The following SEL1L2 variants were observed in gnomAD, a reference collection of about 807,000 sequenced individuals.
SEL1L2 encodes SEL1L2 adaptor subunit of SYVN1 ubiquitin ligase.
SEL1L2 carries 89 observed loss-of-function variants against 98.8 expected under a neutral mutation model. The ratio of observed to expected loss-of-function variants is 0.90; its 90% CI spans 0.76 to 1.07. The LOEUF (loss-of-function observed/expected upper bound fraction) is 1.07. Among genes scored for constraint, SEL1L2 ranks in the 50% least tolerant of loss-of-function variants. SEL1L2 has a pLI of 0.00. For missense variants in SEL1L2, 788 were observed against 812.0 expected (o/e 0.97, Z 0.36); for synonymous variants, 262 against 278.5 (o/e 0.94, Z 0.59).
intron 5 of SEL1L2, among the ~76,000 whole-genome samples, chr20:13,889,459 C>A (rs1347741209): frequency 1.3e-5 from 2 of 152,118 alleles, no homozygotes; most frequent in East Asian, 3.9e-4. Context: ...CCCTTATATA[C>A]TTTCCTTTCT....
chr20:13,977,816 T>C (rs2051619161), intron 1 of SEL1L2, among the ~76,000 whole-genome samples: 1 of 152,104 alleles, frequency 6.6e-6, no homozygotes, highest in Admixed American at 6.6e-5. Context: ...TTTAGATCTG[T>C]ATACTAAAAA....
chr20:13,986,804 T>C (rs1010199945), intron 1 of SEL1L2, among the ~76,000 whole-genome samples: 2 of 152,272 alleles, frequency 1.3e-5, no homozygotes, highest in South Asian at 2.1e-4. Context: ...ATTGTATAGG[T>C]TGGTGCAAAA....
chr20:13,870,338 C>A, intron 12 of SEL1L2, 135 bp from the exon 13 acceptor site: 1 of 617,464 alleles, frequency 1.6e-6, no homozygotes, highest in South Asian at 2.2e-5. Flanking sequence ...TATTCTGACC[C>A]ACTCTAGTTC....
chr20:13,958,652 G>A (rs531691569), intron 1 of SEL1L2, among the ~76,000 whole-genome samples: 2 of 152,122 alleles, frequency 1.3e-5, no homozygotes, highest in African/African-American at 4.8e-5. Flanking sequence ...TTCTGCATAG[G>A]AGGTCTGGGC....
intron 17 of SEL1L2, among the ~76,000 whole-genome samples, chr20:13,863,014 G>A (rs966302601): frequency 1.3e-5 from 2 of 152,028 alleles, no homozygotes; most frequent in African/African-American, 2.4e-5. Flanking sequence ...TTCTTAGCTG[G>A]CAAAGACATT....
At chr20:13,939,035 GTTTTGT>G (rs1242987485) in intron 2 of SEL1L2, among the ~76,000 whole-genome samples, 37 of 31,470 alleles carry the variant, frequency 1.2e-3, no homozygotes, top group African/African-American at 3.4e-3. Context: ...TTGTTTGCTT[GTTTTGT>G]TTTTTTTTTT....
chr20:13,907,756 CT>C (rs2048023158), intron 5 of SEL1L2, among the ~76,000 whole-genome samples: 1 of 107,916 alleles, frequency 9.3e-6, no homozygotes, highest in Non-Finnish European at 2.0e-5. Context: ...CTTTTCTTTT[CT>C]TTTCTTTTCT....
In SEL1L2 at chr20:13,964,227, T is replaced by A. The variant is rs188988086; in HGVS notation, c.59-8096A>T. ...ATCAAGCTAACAGTCAAAGAAAATATGTTCTATCCCCCTATTTTGTCAAAT... is the reference window on the plus strand; with the variant it reads ...ATCAAGCTAACAGTCAAAGAAAATAAGTTCTATCCCCCTATTTTGTCAAAT... On this transcript the variant is annotated intron_variant, in intron 1 of 19. Transcript: ENST00000284951. Among the ~76,000 whole-genome samples, 24 of 152,152 alleles carry A rather than the reference T, an allele frequency of 1.6e-4. No homozygotes were observed. The East Asian group carries it at 4.4e-3, about 28-fold the overall frequency.
intron 3 of SEL1L2, among the ~76,000 whole-genome samples, chr20:13,930,853 T>C (rs2049112481): frequency 6.6e-6 from 1 of 151,816 alleles, no homozygotes; most frequent in Non-Finnish European, 1.5e-5. Flanking sequence ...TGTATTTACT[T>C]GTGTCAGAAG....
At chr20:13,968,698 A>G (rs2051155040) in intron 1 of SEL1L2, among the ~76,000 whole-genome samples, 1 of 152,222 alleles carries the variant, frequency 6.6e-6, no homozygotes, top group Admixed American at 6.5e-5. Context: ...ATGTAGAATA[A>G]CTGGGATATA....
chr20:13,914,991 T>C, intron 4 of SEL1L2: 1 of 745,242 alleles, frequency 1.3e-6, no homozygotes, highest in East Asian at 6.6e-5. Context: ...TTTTTACTTT[T>C]ATAACTTCGT....
intron 5 of SEL1L2, among the ~76,000 whole-genome samples, chr20:13,892,831 T>C (rs1030051059): frequency 1.3e-5 from 2 of 152,188 alleles, no homozygotes; most frequent in Non-Finnish European, 2.9e-5. Context: ...CATTAAAGGA[T>C]AGACAAAGAT....
At position 13,952,632 on chromosome 20, in the gene SEL1L2, G is replaced by C. The variant is rs183855138; in HGVS notation, c.114+3444C>G. Among the ~76,000 whole-genome samples, 468 of 152,262 alleles carry C rather than the reference G, an allele frequency of 3.1e-3. 2 individuals carry two copies. The highest frequency in any genetic ancestry group is 9.1e-3 in the South Asian group (44 of 4,828). On this transcript the variant is annotated intron_variant, in intron 2 of 19. Transcript: ENST00000284951. ...ACCCCAGGTATTGCTAGGAAGAGAA[G>C]GGAACCAGGGATGCCTGCTCCCGTC...
chr20:13,979,434 A>G (rs565230652), intron 1 of SEL1L2, among the ~76,000 whole-genome samples: 1 of 152,372 alleles, frequency 6.6e-6, no homozygotes, highest in African/African-American at 2.4e-5. Flanking sequence ...AAGAAATAAT[A>G]AATGAGGTGC....
intron 12 of SEL1L2, among the ~76,000 whole-genome samples, chr20:13,870,988 C>G (rs1158717063): frequency 6.7e-6 from 1 of 149,642 alleles, no homozygotes; most frequent in Non-Finnish European, 1.5e-5. Context: ...GAGGGACACT[C>G]TATTGCCTGA....
chr20:13,949,458 A>G (rs999184207), intron 2 of SEL1L2, among the ~76,000 whole-genome samples: 1 of 152,194 alleles, frequency 6.6e-6, no homozygotes, highest in East Asian at 1.9e-4. Context: ...AGGTCAGGAG[A>G]TCAAGACCGT....
intron 12 of SEL1L2, among the ~76,000 whole-genome samples, chr20:13,872,446 T>C (rs243915): frequency 0.16 from 24,666 of 152,120 alleles, 2,167 homozygotes; most frequent in African/African-American, 0.22. Context: ...GCTGCCGCCA[T>C]GTGAAGAAGG....
intron 1 of SEL1L2, among the ~76,000 whole-genome samples, chr20:13,985,515 T>C (rs2052119478): frequency 6.6e-6 from 1 of 152,228 alleles, no homozygotes; most frequent in Non-Finnish European, 1.5e-5. Flanking sequence ...TTCTGTGCCC[T>C]ACAGTACCCT....
chr20:13,897,958 A>C (rs1351475658), intron 5 of SEL1L2, among the ~76,000 whole-genome samples: 2 of 151,940 alleles, frequency 1.3e-5, no homozygotes, highest in Non-Finnish European at 2.9e-5. Context: ...ACACACACAC[A>C]CACCCCAAAA....
Sources: gnomAD v4.1 joint callset for allele counts (sites outside exome capture counted in the v4.1 genomes callset) on GRCh38, gnomAD v4.1.1 for gene constraint, MANE v1.5 for transcripts, NCBI Gene and HGNC (gene_info 2026-07-23, HGNC 2026-07-21) for gene names.